The following RSU1 variants were observed in gnomAD, a reference collection of about 807,000 sequenced individuals.
RSU1 encodes Ras suppressor protein 1.
In RSU1, 26 loss-of-function variants were observed where a neutral mutation model predicts 31.1. That is an observed-to-expected ratio of 0.84 (90% CI 0.61 to 1.16). The LOEUF (loss-of-function observed/expected upper bound fraction) is 1.16. RSU1 is among the 50% of genes most tolerant of loss of function. The pLI, the probability that RSU1 is intolerant of heterozygous loss-of-function variation, is 0.00. For synonymous variants in RSU1, 164 were observed against 136.3 expected, an observed-to-expected ratio of 1.20 and a Z score of -1.41; for missense variants, 320 against 339.1, an observed-to-expected ratio of 0.94 and a Z score of 0.44.
intron 4 of RSU1, among the ~76,000 whole-genome samples, chr10:16,756,267 CA>C (rs1025195798): frequency 1.3e-5 from 2 of 152,100 alleles, no homozygotes; most frequent in African/African-American, 4.8e-5. Flanking sequence ...GGCTGAACAA[CA>C]ATGTGAATAC....
intron 8 of RSU1, among the ~76,000 whole-genome samples, chr10:16,627,690 G>A (rs963434754): frequency 6.7e-6 from 1 of 148,822 alleles, no homozygotes; most frequent in African/African-American, 2.5e-5. Flanking sequence ...CTGAGAGGCA[G>A]AGATTGCAGT....
intron 7 of RSU1, among the ~76,000 whole-genome samples, chr10:16,736,634 C>A (rs7916295): frequency 6.6e-5 from 10 of 151,476 alleles, no homozygotes; most frequent in Non-Finnish European, 1.2e-4. Flanking sequence ...AAACCAAAAA[C>A]CAAAAAACAA....
chr10:16,674,584 AT>A, intron 8 of RSU1, among the ~76,000 whole-genome samples: 1 of 152,130 alleles, frequency 6.6e-6, no homozygotes, highest in African/African-American at 2.4e-5. Flanking sequence ...AGGAGACTCC[AT>A]TCTAAGCATA....
chr10:16,815,311 T>C (rs1838505286), intron 2 of RSU1, among the ~76,000 whole-genome samples: 1 of 152,186 alleles, frequency 6.6e-6, no homozygotes, highest in Non-Finnish European at 1.5e-5. Context: ...AAATCTACGT[T>C]TCCTCCCTTT....
intron 7 of RSU1, among the ~76,000 whole-genome samples, chr10:16,738,859 TG>T (rs1003730459): frequency 1.9e-4 from 28 of 145,844 alleles, no homozygotes; most frequent in African/African-American, 6.1e-4. Context: ...TCCCTCTCCT[TG>T]CCCCCCACCC....
chr10:16,653,389 T>C (rs1375503953), intron 8 of RSU1, among the ~76,000 whole-genome samples: 1 of 152,182 alleles, frequency 6.6e-6, no homozygotes, highest in East Asian at 1.9e-4. Context: ...AACAATACTC[T>C]GTTGTGTGTG....
chr10:16,673,955 C>G (rs531467456), intron 8 of RSU1, among the ~76,000 whole-genome samples: 10 of 152,274 alleles, frequency 6.6e-5, no homozygotes, highest in African/African-American at 2.4e-4. Flanking sequence ...TGCCAATTTA[C>G]CTTTTATAGG....
chr10:16,785,497 T>C (rs1434852870), intron 2 of RSU1, among the ~76,000 whole-genome samples: 1 of 126,278 alleles, frequency 7.9e-6, no homozygotes. Context: ...TACATATATA[T>C]ATACACATAT....
intron 2 of RSU1, among the ~76,000 whole-genome samples, chr10:16,799,840 C>G (rs537939567): frequency 1.3e-4 from 20 of 152,110 alleles, no homozygotes; most frequent in African/African-American, 4.1e-4. Context: ...TAGCCGGGGG[C>G]GGGGAGGGGA....
intron 2 of RSU1, among the ~76,000 whole-genome samples, chr10:16,801,263 C>T (rs1329753476): frequency 2.0e-5 from 3 of 152,018 alleles, no homozygotes; most frequent in Non-Finnish European, 2.9e-5. Flanking sequence ...ACAAAGCTGA[C>T]TTCAAAGCAA....
At chr10:16,667,487 T>C (rs1445437468) in intron 8 of RSU1, among the ~76,000 whole-genome samples, 1 of 152,060 alleles carries the variant, frequency 6.6e-6, no homozygotes, top group Admixed American at 6.6e-5. Flanking sequence ...CTCTATTATT[T>C]ATTAATTTTT....
chr10:16,691,732 T>C (rs1219838741), intron 8 of RSU1, among the ~76,000 whole-genome samples: 4 of 141,332 alleles, frequency 2.8e-5, no homozygotes, highest in Non-Finnish European at 4.6e-5. Context: ...CTTTTTTTTT[T>C]TTTTTTTTTT....
intron 2 of RSU1, among the ~76,000 whole-genome samples, chr10:16,809,696 T>C (rs1838362693): frequency 6.6e-6 from 1 of 152,196 alleles, no homozygotes; most frequent in Non-Finnish European, 1.5e-5. Context: ...TAACAATGGA[T>C]CTCCTGTATC....
chr10:16,653,105 T>C (rs1261378447), intron 8 of RSU1, among the ~76,000 whole-genome samples: 1 of 152,152 alleles, frequency 6.6e-6, no homozygotes, highest in East Asian at 1.9e-4. Context: ...TGCATCACCA[T>C]TGGAAAAGAA....
At chr10:16,595,937 C>T (rs531622864) in intron 8 of RSU1, among the ~76,000 whole-genome samples, 47 of 152,080 alleles carry the variant, frequency 3.1e-4, no homozygotes, top group Non-Finnish European at 5.3e-4. Context: ...CCACTGCACT[C>T]CAGCCTGGCA....
At chr10:16,731,107 C>A (rs1836503457) in intron 7 of RSU1, among the ~76,000 whole-genome samples, 1 of 152,144 alleles carries the variant, frequency 6.6e-6, no homozygotes, top group African/African-American at 2.4e-5. Context: ...AGCCATGGCA[C>A]CCGGCCTTGT....
intron 7 of RSU1, among the ~76,000 whole-genome samples, chr10:16,738,244 A>G (rs1400726817): frequency 6.6e-6 from 1 of 152,196 alleles, no homozygotes; most frequent in Non-Finnish European, 1.5e-5. Flanking sequence ...CAGCAGATCG[A>G]GACCATCCTG....
chr10:16,597,587 C>T (rs1447191491), intron 8 of RSU1, among the ~76,000 whole-genome samples: 1 of 152,144 alleles, frequency 6.6e-6, no homozygotes, highest in Non-Finnish European at 1.5e-5. Context: ...AAGCCCAGCA[C>T]CATGGCAAAC....
chr10:16,680,766 T>C (rs1835316340), intron 8 of RSU1, among the ~76,000 whole-genome samples: 1 of 152,078 alleles, frequency 6.6e-6, no homozygotes, highest in South Asian at 2.1e-4. Context: ...AGGCCTCACC[T>C]CCAATGCTGG....
Sources: gnomAD v4.1 joint callset for allele counts (sites outside exome capture counted in the v4.1 genomes callset) on GRCh38, gnomAD v4.1.1 for gene constraint, MANE v1.5 for transcripts, NCBI Gene and HGNC (gene_info 2026-07-23, HGNC 2026-07-21) for gene names.